Variants in CPQ observed in about 807,000 individuals in gnomAD.
The protein encoded by CPQ is Ser-Met dipeptidase.
In CPQ, 37 loss-of-function variants were observed where a neutral mutation model predicts 45.7. The observed-to-expected ratio is 0.81, with a 90% CI of 0.62 to 1.07. The LOEUF is 1.07. CPQ is among the 50% of genes least tolerant of loss of function. CPQ has a pLI of 0.00. For missense variants in CPQ, 537 were observed against 572.9 expected, an observed-to-expected ratio of 0.94 and a Z score of 0.64; for synonymous variants, 186 against 205.8, an observed-to-expected ratio of 0.90 and a Z score of 0.82.
chr8:96,782,547 G>A (rs557768586), intron 1 of CPQ, among the ~76,000 whole-genome samples: 5 of 152,194 alleles, frequency 3.3e-5, no homozygotes, highest in South Asian at 2.1e-4. Flanking sequence ...TTATTGTCTT[G>A]ATGAATAGCA....
chr8:96,688,236 A>G (rs1408856009), intron 1 of CPQ, among the ~76,000 whole-genome samples: 1 of 152,154 alleles, frequency 6.6e-6, no homozygotes, highest in Non-Finnish European at 1.5e-5. Context: ...ATTAAAACCC[A>G]TCTGATATTA....
At chr8:96,862,523 A>G (rs1811939761) in intron 3 of CPQ, among the ~76,000 whole-genome samples, 1 of 151,888 alleles carries the variant, frequency 6.6e-6, no homozygotes, top group Non-Finnish European at 1.5e-5. Context: ...AGGAATATGG[A>G]GTTACTTTGA....
At chr8:96,892,283 A>G (rs926942787) in intron 4 of CPQ, among the ~76,000 whole-genome samples, 1 of 152,246 alleles carries the variant, frequency 6.6e-6, no homozygotes, top group Non-Finnish European at 1.5e-5. Context: ...CATTCCATAC[A>G]TAACTGAATA....
chr8:97,019,070 C>A (rs535407399), intron 5 of CPQ, among the ~76,000 whole-genome samples: 6 of 152,236 alleles, frequency 3.9e-5, no homozygotes, highest in African/African-American at 1.2e-4. Flanking sequence ...GGATTGGGGC[C>A]CTATCTTCAG....
chr8:96,958,891 C>T (rs10092653), intron 4 of CPQ, among the ~76,000 whole-genome samples: 11,432 of 144,560 alleles, frequency 0.079, 836 homozygotes, highest in African/African-American at 0.2. Context: ...ATCCTACAAG[C>T]TAACACCCAA....
At chr8:97,051,675 T>C (rs1810366381) in intron 6 of CPQ, among the ~76,000 whole-genome samples, 1 of 152,234 alleles carries the variant, frequency 6.6e-6, no homozygotes, top group Admixed American at 6.5e-5. Context: ...GATTAGGACT[T>C]GCTGCCTTGG....
intron 5 of CPQ, among the ~76,000 whole-genome samples, chr8:97,020,020 C>G (rs1439279453): frequency 6.6e-6 from 1 of 152,092 alleles, no homozygotes; most frequent in Non-Finnish European, 1.5e-5. Flanking sequence ...GAAATTATAT[C>G]AAGTACTCTC....
intron 5 of CPQ, among the ~76,000 whole-genome samples, chr8:97,022,075 A>T (rs1809697850): frequency 6.6e-6 from 1 of 152,130 alleles, no homozygotes. Flanking sequence ...CCAGAAATAA[A>T]CCCAAATACT....
intron 4 of CPQ, among the ~76,000 whole-genome samples, chr8:96,906,819 A>C (rs911350025): frequency 2.3e-4 from 35 of 152,204 alleles, no homozygotes; most frequent in African/African-American, 8.2e-4. Flanking sequence ...CTGTCACATC[A>C]CATATGAATT....
chr8:97,079,923 T>G (rs914894812), intron 7 of CPQ, among the ~76,000 whole-genome samples: 11 of 152,088 alleles, frequency 7.2e-5, no homozygotes, highest in African/African-American at 2.7e-4. Context: ...GGAATCTCAG[T>G]TGGGATCTGA....
intron 4 of CPQ, among the ~76,000 whole-genome samples, chr8:96,921,168 G>A (rs1477516920): frequency 1.3e-5 from 2 of 152,174 alleles, no homozygotes; most frequent in East Asian, 1.9e-4. Flanking sequence ...TTGAACCTGG[G>A]CTATTTGATT....
At chr8:96,979,604 A>G (rs1419581321) in intron 5 of CPQ, among the ~76,000 whole-genome samples, 1 of 152,178 alleles carries the variant, frequency 6.6e-6, no homozygotes, top group Non-Finnish European at 1.5e-5. Flanking sequence ...TTGCCTAAAA[A>G]CAGAAGTCTG....
At chr8:96,737,508 T>C (rs192358112) in intron 1 of CPQ, among the ~76,000 whole-genome samples, 1 of 151,854 alleles carries the variant, frequency 6.6e-6, no homozygotes, top group Non-Finnish European at 1.5e-5. Flanking sequence ...AGCATCCAGC[T>C]CGAGAAAAAG....
At chr8:96,838,409 G>A (rs1711884214) in intron 3 of CPQ, among the ~76,000 whole-genome samples, 1 of 152,080 alleles carries the variant, frequency 6.6e-6, no homozygotes, top group South Asian at 2.1e-4. Flanking sequence ...GACGCATAAG[G>A]GGATAGAGAG....
intron 4 of CPQ, among the ~76,000 whole-genome samples, chr8:96,952,401 A>C (rs1368213708): frequency 6.6e-6 from 1 of 152,134 alleles, no homozygotes; most frequent in Non-Finnish European, 1.5e-5. Context: ...CTGCAAAGGA[A>C]TCTAGAATCA....
chr8:97,124,877 A>C (rs1811819072), intron 7 of CPQ, among the ~76,000 whole-genome samples: 1 of 152,182 alleles, frequency 6.6e-6, no homozygotes, highest in Non-Finnish European at 1.5e-5. Flanking sequence ...TAACAACAAC[A>C]ACAAAAATAC....
rs533528173 is a variant in CPQ, at chr8:97,139,026, G to A, written c.1256-3994G>A. 5.3e-5 allele frequency among the ~76,000 whole-genome samples: 8 copies of A among 152,200 alleles called. No homozygotes were observed. The South Asian group carries it at 1.7e-3, about 32-fold the overall frequency. On this transcript the variant is annotated intron_variant, in intron 7 of 7. Coordinates refer to ENST00000220763, the MANE Select transcript of CPQ (RefSeq NM_016134.4). ...AAATTCAACTCTAAACTATTCATAA[G>A]AGAAACTCCTAAAAGTATGAGATAG...
chr8:96,745,349 C>A (rs1032056138), intron 1 of CPQ, among the ~76,000 whole-genome samples: 1 of 151,842 alleles, frequency 6.6e-6, no homozygotes, highest in Admixed American at 6.6e-5. Context: ...GGTAAGTGGG[C>A]TGAAGAGCAG....
intron 1 of CPQ, among the ~76,000 whole-genome samples, chr8:96,755,465 A>C (rs1357288075): frequency 6.6e-6 from 1 of 151,944 alleles, no homozygotes; most frequent in Non-Finnish European, 1.5e-5. Flanking sequence ...TCAAATTAAA[A>C]TACTTATTCA....
Sources: gnomAD v4.1 joint callset for allele counts (sites outside exome capture counted in the v4.1 genomes callset) on GRCh38, gnomAD v4.1.1 for gene constraint, MANE v1.5 for transcripts, NCBI Gene and HGNC (gene_info 2026-07-23, HGNC 2026-07-21) for gene names.